SCEL: variants seen among roughly 807,000 people sequenced by gnomAD.
SCEL encodes sciellin.
Under a neutral mutation model 117.6 loss-of-function variants are expected in SCEL, and 113 were observed. The observed-to-expected ratio is 0.96, with a 90% CI of 0.83 to 1.12. The LOEUF is 1.12. Ranked by LOEUF, SCEL falls within the 50% of genes most tolerant of loss-of-function variation. The probability of loss-of-function intolerance (pLI) is 0.00; values close to 1 mark genes in which losing one functional copy is unlikely to be tolerated. For missense variants in SCEL, 785 were observed against 810.8 expected (o/e 0.97, Z 0.39); for synonymous variants, 270 against 256.2 (o/e 1.05, Z -0.51).
chr13:77,567,392 TGCAGTGA>T (rs577228439), intron 5 of SCEL, among the ~76,000 whole-genome samples: 101 of 152,302 alleles, frequency 6.6e-4, no homozygotes, highest in Middle Eastern at 3.4e-3. Flanking sequence ...GGGCAGAGGT[TGCAGTGA>T]GCTGAGATCA....
At position 77,597,564 on chromosome 13, in the gene SCEL, A is replaced by T. The variant is rs561483791; in HGVS notation, c.772A>T (p.Ile258Phe). The part of the protein sequence containing the change: ...SDKGEELDNL[I>F]KMNKSLNRNQ... ...CCAAAGTGAAGAATTGGATAATCTC[A>T]TCAAAATGAACAAAAGCTTGAATAG... is the stretch of plus-strand genomic sequence containing the variant. Residue 258 changes from isoleucine to phenylalanine, a missense_variant, in exon 13 of 33, where the codon ATC becomes TTC. Ile to Phe is a conservative substitution (Grantham distance 21). Transcript: ENST00000349847. The T allele has an allele frequency of 6.7e-7, 1 of 1,486,642 alleles. No individual in the cohort carries two copies. Among genetic ancestry groups the T allele is most frequent in the Non-Finnish European group, 9.2e-7 (1 of 1,092,556 alleles). The allele number at this position is 1,486,642 out of a possible 1,614,324, so 92.1% of individuals were successfully genotyped here.
At chr13:77,552,618 T>C (rs1404106205) in intron 1 of SCEL, among the ~76,000 whole-genome samples, 3 of 151,902 alleles carry the variant, frequency 2.0e-5, no homozygotes, top group African/African-American at 7.3e-5. Context: ...GAGTAGGTTG[T>C]GAAAATTTTC....
At chr13:77,595,185 A>G (rs2087147780) in intron 12 of SCEL, among the ~76,000 whole-genome samples, 2 of 152,218 alleles carry the variant, frequency 1.3e-5, no homozygotes, top group African/African-American at 4.8e-5. Context: ...CTCCCTAGCC[A>G]TAATGCTCAA....
intron 4 of SCEL, among the ~76,000 whole-genome samples, chr13:77,562,180 A>C (rs1377961245): frequency 6.6e-6 from 1 of 152,116 alleles, no homozygotes; most frequent in Non-Finnish European, 1.5e-5. Flanking sequence ...GTTGAAAGTG[A>C]GGGAGGGGAG....
intron 12 of SCEL, among the ~76,000 whole-genome samples, chr13:77,595,765 TTTG>T (rs146271784): frequency 0.13 from 20,220 of 152,162 alleles, 1,418 homozygotes; most frequent in Non-Finnish European, 0.15. Context: ...CATTAATTTT[TTTG>T]TTGTTGTTAG....
At chr13:77,634,474 T>C in intron 29 of SCEL, 24 bp downstream of exon 29, 1 of 1,509,808 alleles carries the variant, frequency 6.6e-7, no homozygotes, top group Non-Finnish European at 9.2e-7. Flanking sequence ...ATTTCAAATA[T>C]ATTGCTTCAT....
chr13:77,644,030 A>G (rs368265710), intron 32 of SCEL, among the ~76,000 whole-genome samples: 1 of 152,190 alleles, frequency 6.6e-6, no homozygotes, highest in East Asian at 1.9e-4. Context: ...TATAATACAT[A>G]TAAGTTGTCA....
At chr13:77,603,722 C>T (rs1434729604) in intron 18 of SCEL, among the ~76,000 whole-genome samples, 1 of 152,120 alleles carries the variant, frequency 6.6e-6, no homozygotes, top group Non-Finnish European at 1.5e-5. Context: ...CTGTGTCCCC[C>T]TGGGGAGTGA....
chr13:77,566,306 A>AGT (rs1327808532), intron 5 of SCEL, among the ~76,000 whole-genome samples: 24 of 152,144 alleles, frequency 1.6e-4, no homozygotes, highest in Admixed American at 1.3e-4. Context: ...GACTCCATTT[A>AGT]TTTATCTATA....
chr13:77,581,984 T>C (rs561856593), intron 9 of SCEL, among the ~76,000 whole-genome samples: 8 of 152,130 alleles, frequency 5.3e-5, no homozygotes, highest in Non-Finnish European at 1.0e-4. Flanking sequence ...GTATAGGTGA[T>C]AGGGACATGC....
chr13:77,593,261 T>A (rs1466135979), intron 11 of SCEL, among the ~76,000 whole-genome samples: 3 of 11,966 alleles, frequency 2.5e-4, no homozygotes, highest in African/African-American at 6.4e-4. Context: ...CAGAGGGGAG[T>A]GTGTGTGTGT....
rs145663548 is a variant in SCEL at position 77,618,018 on chromosome 13, A to G, written c.1586A>G (p.Asn529Ser). ...IRNNQSQDLDNLIKVKPSALR... is the reference protein window; with the variant it reads ...IRNNQSQDLDSLIKVKPSALR... ...CTTTTAAACAGCCAAGACTTGGACA[A>G]TCTTATTAAAGTGAAACCTTCAGCT... The change falls in exon 27 of 33, where the codon AAT becomes AGT. Residue 529 changes from asparagine (N) to serine (S), a missense_variant. Physicochemically the swap from Asn to Ser is conservative, Grantham distance 46 (BLOSUM62 1). Transcript: ENST00000349847. 7,844 of 1,613,094 alleles carry G rather than the reference A, an allele frequency of 4.9e-3. 26 individuals are homozygous for G. Among genetic ancestry groups the G allele is most frequent in the Non-Finnish European group, 5.6e-3 (6,605 of 1,179,080 alleles).
chr13:77,586,701 A>T lies in SCEL; in HGVS notation c.546-2443A>T, dbSNP rs114377289. Among the ~76,000 whole-genome samples, 642 of 152,320 alleles carry T rather than the reference A, an allele frequency of 4.2e-3. 4 individuals carry two copies. Among genetic ancestry groups the T allele is most frequent in the African/African-American group, 0.015 (613 of 41,568 alleles). ...CAAATAACCTGATTTTAAGCCCATG[A>T]GTACTAACCTCAACTGAGCCATTGG... On this transcript the variant is annotated intron_variant, in intron 9 of 32. Coordinates refer to ENST00000349847, the MANE Select transcript of SCEL (RefSeq NM_144777.3).
intron 9 of SCEL, among the ~76,000 whole-genome samples, chr13:77,578,572 G>A (rs2086087284): frequency 1.3e-5 from 2 of 152,304 alleles, no homozygotes; most frequent in Non-Finnish European, 1.5e-5. Context: ...ATCTGATGTT[G>A]TAGGAAGAGC....
chr13:77,610,074 A>C lies in SCEL; in HGVS notation c.1305A>C (p.Lys435Asn), dbSNP rs752970374. The C allele has an allele frequency of 6.2e-7, 1 of 1,610,818 alleles. No individual in the cohort carries two copies. Among genetic ancestry groups the C allele is most frequent in the Non-Finnish European group, 8.5e-7 (1 of 1,178,204 alleles). Residue 435 changes from lysine to asparagine, a missense_variant, in exon 22 of 33, where the codon AAA becomes AAC. By Grantham distance (94) the Lys-to-Asn change is moderately conservative. Coordinates refer to ENST00000349847, the MANE Select transcript of SCEL (RefSeq NM_144777.3). ...GCCAAAGTCTCGACAGCCTCATTAA[A>C]GTGACTCCTGAAAGAAACAGAACTA... Reference protein sequence around the residue: ...EGGQSLDSLIKVTPERNRTNQ... With the variant: ...EGGQSLDSLINVTPERNRTNQ...
intron 24 of SCEL, 61 bp from the exon 25 acceptor site, chr13:77,617,538 A>G (rs911332902): frequency 2.3e-5 from 23 of 982,030 alleles, no homozygotes; most frequent in East Asian, 2.4e-5. Context: ...TCCATTTCCA[A>G]TTACCTTAAA....
chr13:77,640,795 G>GT lies in SCEL; in HGVS notation c.1947+14dup. 1 of 1,290,984 alleles carries GT rather than the reference G, an allele frequency of 7.7e-7. No homozygotes were observed. Among genetic ancestry groups the GT allele is most frequent in the Non-Finnish European group, 1.1e-6 (1 of 905,308 alleles). The allele number at this position is 1,290,984 out of a possible 1,614,324, so 80.0% of individuals were successfully genotyped here. ...TCTACTTGCTTTAAGGTAAGGATGT[G>GT]TTTATTTCACTTAATTAAATAAAAA... is the stretch of plus-strand genomic sequence containing the variant. On this transcript the variant is annotated intron_variant, in intron 31 of 32. Coordinates refer to ENST00000349847, the MANE Select transcript of SCEL (RefSeq NM_144777.3).
chr13:77,546,683 CAAA>C (rs555752724), intron 1 of SCEL, among the ~76,000 whole-genome samples: 1 of 125,008 alleles, frequency 8.0e-6, no homozygotes, highest in African/African-American at 3.0e-5. Flanking sequence ...ACAACAACAA[CAAA>C]AAAAAAAAAA....
chr13:77,536,886 A>G (rs1290498592), intron 1 of SCEL, among the ~76,000 whole-genome samples: 1 of 152,232 alleles, frequency 6.6e-6, no homozygotes, highest in African/African-American at 2.4e-5. Context: ...AGGTTTACAG[A>G]AGAATTTTAC....
Sources: gnomAD v4.1 joint callset for allele counts (sites outside exome capture counted in the v4.1 genomes callset) on GRCh38, gnomAD v4.1.1 for gene constraint, MANE v1.5 for transcripts, NCBI Gene and HGNC (gene_info 2026-07-23, HGNC 2026-07-21) for gene names.